Variants in KIAA1217 observed in about 807,000 individuals in gnomAD.
KIAA1217 encodes the protein KIAA1217.
In KIAA1217, 88 loss-of-function variants were observed where a neutral mutation model predicts 163.9. The observed-to-expected ratio is 0.54, with a 90% CI of 0.45 to 0.64. The LOEUF (loss-of-function observed/expected upper bound fraction) is 0.64, where lower values mean the gene tolerates loss of function less well. KIAA1217 is among the 30% of genes least tolerant of loss of function. The probability of loss-of-function intolerance (pLI) is 0.00; values close to 1 mark genes in which losing one functional copy is unlikely to be tolerated. For missense variants in KIAA1217, 2,372 were observed against 2,475.0 expected, an observed-to-expected ratio of 0.96 and a Z score of 0.88; for synonymous variants, 903 against 923.1, an observed-to-expected ratio of 0.98 and a Z score of 0.39.
At chr10:23,706,831 A>C (rs967478208) in intron 1 of KIAA1217, among the ~76,000 whole-genome samples, 2 of 152,264 alleles carry the variant, frequency 1.3e-5, no homozygotes, top group Admixed American at 1.3e-4. Flanking sequence ...AGGGAAGAGA[A>C]GGAAGTCTAG....
At chr10:23,707,103 G>A (rs1836937660) in intron 1 of KIAA1217, among the ~76,000 whole-genome samples, 2 of 152,158 alleles carry the variant, frequency 1.3e-5, no homozygotes, top group South Asian at 4.1e-4. Flanking sequence ...CCTGTCCTAT[G>A]AGAACATATA....
intron 15 of KIAA1217, 65 bp from the exon 16 acceptor site, chr10:24,533,005 C>A: frequency 6.9e-7 from 1 of 1,444,268 alleles, no homozygotes; most frequent in Admixed American, 1.9e-5. Flanking sequence ...ACCATACGAT[C>A]TGTCCCTTTT....
At chr10:23,902,343 G>A (rs1219871635) in intron 1 of KIAA1217, among the ~76,000 whole-genome samples, 2 of 151,972 alleles carry the variant, frequency 1.3e-5, no homozygotes, top group African/African-American at 4.8e-5. Context: ...CACATCGAGG[G>A]GAACAGCACA....
At chr10:24,269,471 C>T (rs908615264) in intron 2 of KIAA1217, among the ~76,000 whole-genome samples, 1 of 152,154 alleles carries the variant, frequency 6.6e-6, no homozygotes. Context: ...CTGCTGTGAG[C>T]CATGACCGTG....
In KIAA1217 at chr10:24,524,717, G is replaced by A; in HGVS notation, c.2851G>A (p.Glu951Lys). The change falls in exon 13 of 21, where the codon GAA becomes AAA. Residue 951 changes from glutamate to lysine, a missense_variant. Coordinates refer to ENST00000376454, the MANE Select transcript of KIAA1217 (RefSeq NM_019590.5). ...NGSAMQSLFI[E>K]EIHSVSAKNR... ...GTCTGCCATGCAGAGCTTGTTCATTGAAGAAATCCACAGTGTGAGTGCCAA... is the reference window on the plus strand; with the variant it reads ...GTCTGCCATGCAGAGCTTGTTCATTAAAGAAATCCACAGTGTGAGTGCCAA... The A allele has an allele frequency of 1.2e-6, 2 of 1,610,792 alleles. No homozygotes were observed. The highest frequency in any genetic ancestry group is 1.7e-6 in the Non-Finnish European group (2 of 1,177,522).
chr10:23,852,028 A>G (rs1486871450), intron 1 of KIAA1217, among the ~76,000 whole-genome samples: 1 of 151,732 alleles, frequency 6.6e-6, no homozygotes, highest in Non-Finnish European at 1.5e-5. Context: ...ATTAGATCCC[A>G]TTTGTCAATT....
intron 3 of KIAA1217, among the ~76,000 whole-genome samples, chr10:24,393,250 G>C (rs1177977460): frequency 3.3e-5 from 5 of 152,164 alleles, no homozygotes; most frequent in African/African-American, 4.8e-5. Flanking sequence ...ACATGGGAAG[G>C]TACACGTTCT....
At chr10:23,823,187 G>A (rs1248090986) in intron 1 of KIAA1217, among the ~76,000 whole-genome samples, 3 of 152,200 alleles carry the variant, frequency 2.0e-5, no homozygotes, top group African/African-American at 7.2e-5. Context: ...CCATTCTGGA[G>A]GCTTTGGGGG....
At chr10:24,157,670 T>A (rs1039957606) in intron 2 of KIAA1217, among the ~76,000 whole-genome samples, 7 of 152,286 alleles carry the variant, frequency 4.6e-5, no homozygotes, top group South Asian at 2.1e-4. Context: ...ACAAAAAAAA[T>A]TTTCAACATA....
chr10:23,816,645 A>C (rs1258271797), intron 1 of KIAA1217, among the ~76,000 whole-genome samples: 2 of 152,076 alleles, frequency 1.3e-5, no homozygotes, highest in Non-Finnish European at 2.9e-5. Flanking sequence ...CCTTTGTTCA[A>C]CTCTATTTGG....
chr10:23,963,897 C>CTTT (rs59540632), intron 1 of KIAA1217, among the ~76,000 whole-genome samples: 1 of 137,918 alleles, frequency 7.3e-6, no homozygotes. Flanking sequence ...TTTCTCTTTT[C>CTTT]TTTTTTTTTT....
chr10:24,504,141 CTG>C (rs1325351876), intron 9 of KIAA1217, among the ~76,000 whole-genome samples: 1 of 152,166 alleles, frequency 6.6e-6, no homozygotes, highest in African/African-American at 2.4e-5. Flanking sequence ...AACCCTTGAA[CTG>C]TGCAGCTTTG....
At position 23,879,305 on chromosome 10, in the gene KIAA1217, G is replaced by C. The variant is rs117166088; in HGVS notation, c.-320-127920G>C. On this transcript the variant is annotated intron_variant, in intron 1 of 18. Coordinates refer to the KIAA1217 transcript ENST00000376462. Reference sequence around the variant, plus strand: ...ACTTAGGTTAAGTACCTCTGACTTAGAGATTGAGTGTTGCTAGAGATGAGA... The same window carrying C: ...ACTTAGGTTAAGTACCTCTGACTTACAGATTGAGTGTTGCTAGAGATGAGA... Among the ~76,000 whole-genome samples the C allele has an allele frequency of 5.7e-4, 87 of 152,018 alleles. 2 individuals are homozygous for C. The East Asian group carries it at 0.016, about 29-fold the overall frequency.
At chr10:23,783,002 T>G (rs552690659) in intron 1 of KIAA1217, among the ~76,000 whole-genome samples, 295 of 152,328 alleles carry the variant, frequency 1.9e-3, no homozygotes, top group Non-Finnish European at 3.5e-3. Context: ...TATGTTGAAG[T>G]TCTTTTCTAT....
chr10:23,806,580 G>A (rs1049363165), intron 1 of KIAA1217, among the ~76,000 whole-genome samples: 1 of 151,946 alleles, frequency 6.6e-6, no homozygotes, highest in African/African-American at 2.4e-5. Context: ...AAACATCTGG[G>A]TGGTTTCTTT....
chr10:23,814,738 G>A (rs937888408), intron 1 of KIAA1217, among the ~76,000 whole-genome samples: 1 of 151,892 alleles, frequency 6.6e-6, no homozygotes, highest in African/African-American at 2.4e-5. Context: ...AAACCATTAT[G>A]TGTAGCATGA....
At chr10:24,032,817 A>G (rs1296602898) in intron 2 of KIAA1217, among the ~76,000 whole-genome samples, 1 of 152,156 alleles carries the variant, frequency 6.6e-6, no homozygotes, top group African/African-American at 2.4e-5. Context: ...AGACCACCCT[A>G]ATAAGAAATA....
At chr10:24,363,620 A>C (rs2134290722) in intron 2 of KIAA1217, among the ~76,000 whole-genome samples, 1 of 147,906 alleles carries the variant, frequency 6.8e-6, no homozygotes. Context: ...GCTGGAGTGC[A>C]GCGTGCAGTG....
chr10:24,536,987 T>C, intron 17 of KIAA1217, 94 bp downstream of exon 17: 1 of 1,430,612 alleles, frequency 7.0e-7, no homozygotes, highest in Non-Finnish European at 9.5e-7. Flanking sequence ...CTTTGTCCCC[T>C]CTGTCTTTTT....
Sources: gnomAD v4.1 joint callset for allele counts (sites outside exome capture counted in the v4.1 genomes callset) on GRCh38, gnomAD v4.1.1 for gene constraint, MANE v1.5 for transcripts, NCBI Gene and HGNC (gene_info 2026-07-23, HGNC 2026-07-21) for gene names.